Variants in ITGB4 observed in about 807,000 individuals in gnomAD.
ITGB4 encodes integrin subunit beta 4.
ITGB4 carries 159 observed loss-of-function variants against 207.6 expected under a neutral mutation model. The ratio of observed to expected loss-of-function variants is 0.77; its 90% confidence interval spans 0.67 to 0.87. The LOEUF (loss-of-function observed/expected upper bound fraction) is 0.87. ITGB4 is among the 40% of genes least tolerant of loss of function. The probability of loss-of-function intolerance (pLI) is 0.00; values close to 1 mark genes in which losing one functional copy is unlikely to be tolerated. For missense variants in ITGB4, 2,278 were observed against 2,546.8 expected (o/e 0.89, Z 2.27); for synonymous variants, 1,020 against 1,062.7 (o/e 0.96, Z 0.78).
chr17:75,756,660 C>T (rs373164716), intron 36 of ITGB4, 43 bp downstream of exon 36: 49 of 1,613,044 alleles, frequency 3.0e-5, no homozygotes, highest in Non-Finnish European at 4.0e-5. Flanking sequence ...CCATCATGCC[C>T]ACCACCCACC....
chr17:75,740,536 G>A lies in ITGB4; in HGVS notation c.2550+75G>A. On this transcript the variant is annotated intron_variant, in intron 21 of 39. Transcript: ENST00000200181. The surrounding 1 kb of genome is among the most constrained non-coding windows in gnomAD (Gnocchi z 5.9). Reference sequence around the variant, plus strand: ...GTGAGGTGGGCAGGGCAGAGCGAATGCGGTCGTGGTACCGAGATTCATTAA... The same window carrying A: ...GTGAGGTGGGCAGGGCAGAGCGAATACGGTCGTGGTACCGAGATTCATTAA... The A allele has an allele frequency of 7.9e-7, 1 of 1,269,398 alleles. No individual in the cohort carries two copies. The highest frequency in any genetic ancestry group is 1.2e-5 in the South Asian group (1 of 82,684). The allele number at this position is 1,269,398 out of a possible 1,614,324, so 78.6% of individuals were successfully genotyped here.
chr17:75,723,434 G>A (rs1300448629), intron 1 of ITGB4, among the ~76,000 whole-genome samples: 1 of 152,194 alleles, frequency 6.6e-6, no homozygotes, highest in Non-Finnish European at 1.5e-5. Context: ...CCTGCAGCCT[G>A]TATTGTGTAG....
Position 75,737,547 on chromosome 17 carries a change from C to T in ITGB4, c.2123C>T (p.Pro708Leu), listed in dbSNP as rs146500584. 158 of 1,579,330 alleles carry T rather than the reference C, an allele frequency of 1.0e-4. No homozygotes were observed. The African/African-American group carries it at 1.3e-3, about 13-fold the overall frequency. The change falls in exon 18 of 40, where the codon CCG (proline) becomes CTG (leucine). Residue 708 changes from proline to leucine, a missense_variant. Physicochemically the swap from Pro to Leu is moderately conservative, Grantham distance 98. Coordinates refer to ENST00000200181, the MANE Select transcript of ITGB4 (RefSeq NM_000213.5). ...VLVHKKKDCP[P>L]GSFWWLIPLL... The stretch of plus-strand genomic sequence containing the variant: ...GCCTCCTCCTCTCCAGACTGCCCTC[C>T]GGGCTCCTTCTGGTGGCTCATCCCC...
chr17:75,736,021 C>T (rs768938723), intron 13 of ITGB4, 30 bp from the exon 14 acceptor site: 2 of 1,601,038 alleles, frequency 1.2e-6, no homozygotes, highest in Non-Finnish European at 1.7e-6. Flanking sequence ...AGATGTAGCT[C>T]TCATCTCCCT....
chr17:75,741,282 G>A (rs1031660870), intron 23 of ITGB4, among the ~76,000 whole-genome samples: 6 of 152,062 alleles, frequency 3.9e-5, no homozygotes, highest in African/African-American at 7.2e-5. Flanking sequence ...CCCCCCACCC[G>A]GTACCAGCGA....
Position 75,740,058 on chromosome 17 carries a change from C to A in ITGB4, c.2433C>A (p.Asn811Lys), listed in dbSNP as rs1368658687. 1 of 1,612,140 alleles carries A rather than the reference C, an allele frequency of 6.2e-7. No homozygotes were observed. Among genetic ancestry groups the A allele is most frequent in the East Asian group, 2.2e-5 (1 of 44,888 alleles). The change falls in exon 20 of 40, where the codon AAC becomes AAA. Residue 811 changes from asparagine (N) to lysine (K), a missense_variant. Coordinates refer to ENST00000200181, the MANE Select transcript of ITGB4 (RefSeq NM_000213.5). This position sits in a 1 kb window ranked among gnomAD's most constrained non-coding sequence, Gnocchi z 5.9. Reference protein sequence around the residue: ...PGFATHAASINPTELVPYGLS... With the variant: ...PGFATHAASIKPTELVPYGLS... ...TTGCCACTCATGCCGCCAGCATCAA[C>A]CCCACAGAGCTGGGTGAGGGCGGGG...
Position 75,739,506 on chromosome 17 carries a change from T to C in ITGB4, c.2221-166T>C, listed in dbSNP as rs1159239905. On this transcript the variant is annotated intron_variant, in intron 18 of 39. Transcript: ENST00000200181. The surrounding 1 kb of genome is among the most constrained non-coding windows in gnomAD (Gnocchi z 5.4). The stretch of plus-strand genomic sequence containing the variant: ...AACCCTCTGCCCCCATCCCCCTCTA[T>C]GCCCTTGTGTGCCATGCTTACACCC... Among the ~76,000 whole-genome samples, 2 of 152,108 alleles carry C rather than the reference T, an allele frequency of 1.3e-5. No individual in the cohort carries two copies. The highest frequency in any genetic ancestry group is 2.1e-4 in the South Asian group (1 of 4,828).
Position 75,756,967 on chromosome 17 carries a change from A to G in ITGB4, c.5078A>G (p.Asp1693Gly). The change falls in exon 38 of 40, where the codon GAT (aspartate) becomes GGT (glycine). Residue 1693 changes from aspartate to glycine, a missense_variant. By Grantham distance (94) the Asp-to-Gly change is moderately conservative. Transcript: ENST00000200181. ...GGGPATAFRV[D>G]GDSPESRLTV... ...GGGCCAGCCACCGCATTCCGGGTGG[A>G]TGGAGACAGCCCCGAGAGCCGGCTG... is the stretch of plus-strand genomic sequence containing the variant. 5 of 1,612,686 alleles carry G rather than the reference A, an allele frequency of 3.1e-6. No individual in the cohort carries two copies. The highest frequency in any genetic ancestry group is 4.2e-6 in the Non-Finnish European group (5 of 1,179,928).
chr17:75,726,309 T>G (rs926125312), intron 2 of ITGB4, among the ~76,000 whole-genome samples: 1 of 151,990 alleles, frequency 6.6e-6, no homozygotes, highest in Non-Finnish European at 1.5e-5. Context: ...AAAAATTAGC[T>G]GGGCTACTTG....
intron 2 of ITGB4, among the ~76,000 whole-genome samples, chr17:75,725,514 A>G (rs923350997): frequency 6.6e-6 from 1 of 152,062 alleles, no homozygotes; most frequent in Non-Finnish European, 1.5e-5. Flanking sequence ...CAGTCTCACT[A>G]TGTTACCCAG....
At chr17:75,751,202 G>GCACAGCAGGTCCAGGGA in intron 30 of ITGB4, 91 bp downstream of exon 30, 4 of 1,481,000 alleles carry the variant, frequency 2.7e-6, no homozygotes, top group Non-Finnish European at 3.7e-6. Context: ...GTCACTCCCT[G>GCACAGCAGGTCCAGGGA]GACCTGCTGT....
At chr17:75,741,396 C>T (rs2061106488) in intron 23 of ITGB4, among the ~76,000 whole-genome samples, 1 of 152,126 alleles carries the variant, frequency 6.6e-6, no homozygotes, top group African/African-American at 2.4e-5. Context: ...GCAGGTCACA[C>T]ACCTTTTTTC....
Position 75,742,462 on chromosome 17 carries a change from G to A in ITGB4, c.2755G>A (p.Gly919Ser), listed in dbSNP as rs372890193. 52 of 1,612,958 alleles carry A rather than the reference G, an allele frequency of 3.2e-5. 1 individual carries two copies. Among genetic ancestry groups the A allele is most frequent in the South Asian group, 2.0e-4 (18 of 91,042 alleles). Residue 919 changes from glycine (G) to serine (S), a missense_variant, in exon 24 of 40, where the codon GGC (glycine) becomes AGC (serine). Transcript: ENST00000200181. The surrounding 1 kb of genome is among the most constrained non-coding windows in gnomAD (Gnocchi z 5.9). ...RAFHDLKVAP[G>S]YYTLTADQDA... ...CTTCCACGACCTCAAGGTGGCCCCC[G>A]GCTACTACACCCTCACTGCAGACCA...
In ITGB4 at chr17:75,740,488, C is replaced by G; in HGVS notation, c.2550+27C>G. 1 of 1,556,086 alleles carries G rather than the reference C, an allele frequency of 6.4e-7. No homozygotes were observed. On this transcript the variant is annotated intron_variant, in intron 21 of 39. Coordinates refer to ENST00000200181, the MANE Select transcript of ITGB4 (RefSeq NM_000213.5). This position sits in a 1 kb window ranked among gnomAD's most constrained non-coding sequence, Gnocchi z 5.9. ...TAAGGACCCAGGAACTAGGCCTGGC[C>G]GGAGATGTGGGTATGAGGGCGGGTG... is the stretch of plus-strand genomic sequence containing the variant.
chr17:75,746,526 C>T (rs192710462), intron 26 of ITGB4, among the ~76,000 whole-genome samples: 51 of 150,926 alleles, frequency 3.4e-4, no homozygotes, highest in African/African-American at 1.2e-3. Context: ...CCACCGCGCC[C>T]GGCCATTTTA....
rs937145586 is a variant in ITGB4, at chr17:75,722,882, G to T, written c.-11+1270G>T. ...CAGGGACCTGCTGGTACATAAAGTC[G>T]GGGCAGCCTGGTGGGGTCCGGGCCG... On this transcript the variant is annotated intron_variant, in intron 1 of 39. Coordinates refer to ENST00000200181, the MANE Select transcript of ITGB4 (RefSeq NM_000213.5). The surrounding 1 kb of genome is among the most constrained non-coding windows in gnomAD (Gnocchi z 6.2). Among the ~76,000 whole-genome samples the T allele has an allele frequency of 6.6e-6, 1 of 151,944 alleles. No individual in the cohort carries two copies. Among genetic ancestry groups the T allele is most frequent in the East Asian group, 1.9e-4 (1 of 5,182 alleles).
rs1228629618 is a variant in ITGB4, at chr17:75,750,890, C to T, written c.3655+30C>T. 1 of 1,613,358 alleles carries T rather than the reference C, an allele frequency of 6.2e-7. No homozygotes were observed. The highest frequency in any genetic ancestry group is 8.5e-7 in the Non-Finnish European group (1 of 1,179,948). ...GGCCTCGCCATGTCTGTCCATTTGT[C>T]CCCTGGCTGCCCTGATGCCAGCATG... On this transcript the variant is annotated intron_variant, in intron 29 of 39. Coordinates refer to ENST00000200181, the MANE Select transcript of ITGB4 (RefSeq NM_000213.5). This position sits in a 1 kb window ranked among gnomAD's most constrained non-coding sequence, Gnocchi z 5.5.
chr17:75,745,697 G>A (rs1204452932), intron 26 of ITGB4, among the ~76,000 whole-genome samples: 4 of 152,164 alleles, frequency 2.6e-5, no homozygotes, highest in African/African-American at 9.6e-5. Flanking sequence ...TGGCCAACAT[G>A]GTGAAACCCT....
rs1389787659 is a variant in ITGB4 at position 75,750,176 on chromosome 17, G to A, written c.3382G>A (p.Gly1128Ser). 1.2e-6 allele frequency: 2 copies of A among 1,613,864 alleles called. No homozygotes were observed. The highest frequency in any genetic ancestry group is 2.2e-5 in the East Asian group (1 of 44,888). The stretch of plus-strand genomic sequence containing the variant: ...ACAGCCACCCCCTCACGGCGACCTG[G>A]GCGCCCCGCAGAACCCCAATGCTAA... The part of the protein sequence containing the change: ...SSQPPPHGDL[G>S]APQNPNAKAA... Residue 1128 changes from glycine (G) to serine (S), a missense_variant, in exon 28 of 40, where the codon GGC (glycine) becomes AGC (serine). Coordinates refer to ENST00000200181, the MANE Select transcript of ITGB4 (RefSeq NM_000213.5). The surrounding 1 kb of genome is among the most constrained non-coding windows in gnomAD (Gnocchi z 5.5).
Sources: allele counts gnomAD v4.1 joint callset (sites outside exome capture counted in the v4.1 genomes callset), GRCh38; gene constraint gnomAD v4.1.1; non-coding constraint Gnocchi (gnomAD v3.1); transcripts MANE v1.5; gene names NCBI Gene and HGNC (gene_info 2026-07-23, HGNC 2026-07-21).